TASOR: variants seen among roughly 807,000 people sequenced by gnomAD.
TASOR encodes protein TASOR.
TASOR carries 53 observed loss-of-function variants against 178.6 expected under a neutral mutation model. The ratio of observed to expected loss-of-function variants is 0.30; its 90% CI spans 0.24 to 0.37. The LOEUF (loss-of-function observed/expected upper bound fraction) is 0.37. Ranked by LOEUF, TASOR falls within the 10% of genes least tolerant of loss-of-function variation. TASOR has a pLI of 1.00. For missense variants in TASOR, 1,815 were observed against 1,971.4 expected (o/e 0.92, Z 1.50); for synonymous variants, 713 against 696.2 (o/e 1.02, Z -0.38).
chr3:56,680,634 G>A (rs2031701134), intron 1 of TASOR, among the ~76,000 whole-genome samples: 2 of 151,976 alleles, frequency 1.3e-5, no homozygotes, highest in African/African-American at 2.4e-5. Context: ...ACTTCTCTCA[G>A]CTTGAACAAG....
At position 56,621,354 on chromosome 3, in the gene TASOR, G is replaced by GTGAT. The variant is rs1455347099; in HGVS notation, c.*1679_*1682dup. 4 of 410,318 alleles carry GTGAT rather than the reference G, an allele frequency of 9.7e-6. No homozygotes were observed. The highest frequency in any genetic ancestry group is 4.1e-5 in the Admixed American group (1 of 24,642). 25.4% of individuals were successfully genotyped at this position (410,318 alleles called of 1,614,324 possible). A position where few individuals can be genotyped will look rare whatever the true frequency, so the allele number is the denominator to read the frequency against. Reference sequence around the variant, plus strand: ...ATGCTAAAAACAGAATCTTACAAATGTGATAGCTATATATCCAAATGAGGT... The same window carrying GTGAT: ...ATGCTAAAAACAGAATCTTACAAATGTGATTGATAGCTATATATCCAAATGAGGT... On this transcript the variant is annotated 3_prime_UTR_variant, in exon 24 of 24. Coordinates refer to ENST00000683822, the MANE Select transcript of TASOR (RefSeq NM_001365635.2).
intron 9 of TASOR, 53 bp downstream of exon 9, chr3:56,662,332 C>T (rs2077616345): frequency 1.1e-6 from 1 of 894,376 alleles, no homozygotes; most frequent in South Asian, 1.6e-5. Flanking sequence ...AGGAAAAAGG[C>T]TCAAGAAAGT....
intron 1 of TASOR, among the ~76,000 whole-genome samples, chr3:56,676,102 G>T (rs1417532683): frequency 6.6e-6 from 1 of 152,192 alleles, no homozygotes; most frequent in Non-Finnish European, 1.5e-5. Flanking sequence ...CAAACTTGTA[G>T]CAGACGAATA....
intron 1 of TASOR, among the ~76,000 whole-genome samples, chr3:56,679,361 G>C (rs2031597291): frequency 6.6e-6 from 1 of 152,156 alleles, no homozygotes; most frequent in African/African-American, 2.4e-5. Flanking sequence ...GTACAAATAC[G>C]AAACAAAGTT....
Position 56,662,451 on chromosome 3 carries a change from T to G in TASOR, c.1094A>C (p.Asn365Thr), listed in dbSNP as rs775908027. The change falls in exon 9 of 24, where the codon AAT (asparagine) becomes ACT (threonine). Residue 365 changes from asparagine (N) to threonine (T), a missense_variant. By Grantham distance (65) the Asn-to-Thr change is moderately conservative (BLOSUM62 0). Transcript: ENST00000683822. ...AATATAACACAAAAGTTTTCCTTTATTTAAAAGCTGTCCTTTCCACAAGGT... is the reference window on the plus strand; with the variant it reads ...AATATAACACAAAAGTTTTCCTTTAGTTAAAAGCTGTCCTTTCCACAAGGT... ...NYTLWKGQLL[N>T]KGKLLCYISL... 1 of 1,546,612 alleles carries G rather than the reference T, an allele frequency of 6.5e-7. No homozygotes were observed. Among genetic ancestry groups the G allele is most frequent in the Admixed American group, 2.0e-5 (1 of 50,444 alleles).
At chr3:56,647,274 A>G in intron 13 of TASOR, 51 bp from the exon 14 acceptor site, 1 of 1,384,206 alleles carries the variant, frequency 7.2e-7, no homozygotes, top group Non-Finnish European at 9.7e-7. Flanking sequence ...GCAATCAAGA[A>G]ACTAATCAAA....
intron 17 of TASOR, among the ~76,000 whole-genome samples, chr3:56,634,715 C>A (rs201607693): frequency 6.6e-6 from 1 of 152,072 alleles, no homozygotes; most frequent in African/African-American, 2.4e-5. Flanking sequence ...TTAGCTGATA[C>A]TAAGGTTAGC....
chr3:56,636,695 T>C (rs2077024915), intron 17 of TASOR, among the ~76,000 whole-genome samples: 2 of 151,826 alleles, frequency 1.3e-5, no homozygotes, highest in South Asian at 4.2e-4. Context: ...GACACCGTGC[T>C]TTTTTAAAAA....
In TASOR at chr3:56,633,028, C is replaced by G. The variant is rs1415714773; in HGVS notation, c.3747+16G>C. ...GAAGTTTGTACAGCATTACTATTAC[C>G]TTCTGGTTTAGTTACCTTTATTTCT... On this transcript the variant is annotated intron_variant, in intron 18 of 23. Coordinates refer to ENST00000683822, the MANE Select transcript of TASOR (RefSeq NM_001365635.2). The G allele has an allele frequency of 1.3e-6, 2 of 1,532,830 alleles. No homozygotes were observed. Among genetic ancestry groups the G allele is most frequent in the Non-Finnish European group, 1.7e-6 (2 of 1,144,384 alleles). 95.0% of individuals were successfully genotyped at this position (1,532,830 alleles called of 1,614,324 possible). A position where few individuals can be genotyped will look rare whatever the true frequency, so the allele number is the denominator to read the frequency against.
chr3:56,620,763 G>A lies in TASOR; in HGVS notation c.*2274C>T, dbSNP rs1004775390. 3.3e-5 allele frequency: 5 copies of A among 152,202 alleles called. No homozygotes were observed. The highest frequency in any genetic ancestry group is 1.2e-4 in the African/African-American group (5 of 41,436). 9.4% of individuals were successfully genotyped at this position (152,202 alleles called of 1,614,324 possible). A position where few individuals can be genotyped will look rare whatever the true frequency, so the allele number is the denominator to read the frequency against. On this transcript the variant is annotated 3_prime_UTR_variant, in exon 24 of 24. Transcript: ENST00000683822. ...ATTGTGAGATAAAGAGGAAGGAATAGGATGTACACATTTACCCATCAATAT... is the reference window on the plus strand; with the variant it reads ...ATTGTGAGATAAAGAGGAAGGAATAAGATGTACACATTTACCCATCAATAT...
At chr3:56,645,510 G>A (rs989665553) in intron 14 of TASOR, among the ~76,000 whole-genome samples, 1 of 152,184 alleles carries the variant, frequency 6.6e-6, no homozygotes, top group African/African-American at 2.4e-5. Flanking sequence ...AACGTGGATT[G>A]TTATGTCAAC....
chr3:56,627,759 C>A lies in TASOR; in HGVS notation c.3871-18G>T, dbSNP rs1040481539. ...CCAGGTATCTGTTTAAATCCCAAAA[C>A]AAAAAGAGAAACAGATGGAGGGAAT... is the stretch of plus-strand genomic sequence containing the variant. On this transcript the variant is annotated intron_variant, in intron 19 of 23. Transcript: ENST00000683822. 5.0e-6 allele frequency: 8 copies of A among 1,604,868 alleles called. No individual in the cohort carries two copies. The Admixed American group carries it at 7.0e-5, about 14-fold the overall frequency.
At chr3:56,660,384 G>A (rs1352552251) in intron 11 of TASOR, among the ~76,000 whole-genome samples, 1 of 151,442 alleles carries the variant, frequency 6.6e-6, no homozygotes, top group Non-Finnish European at 1.5e-5. Context: ...CAGCTACTCA[G>A]GAGGCTGAGG....
chr3:56,654,032 C>T (rs1006239202), intron 11 of TASOR, among the ~76,000 whole-genome samples: 12 of 152,014 alleles, frequency 7.9e-5, no homozygotes, highest in Non-Finnish European at 1.3e-4. Flanking sequence ...TACGGGAGGC[C>T]GAGGCAGGCA....
chr3:56,677,107 T>C (rs62251235), intron 1 of TASOR, among the ~76,000 whole-genome samples: 7,472 of 152,324 alleles, frequency 0.049, 192 homozygotes, highest in East Asian at 0.091. Flanking sequence ...AAGTTCATGT[T>C]CTGAATGTAC....
chr3:56,663,422 A>G lies in TASOR; in HGVS notation c.1054+119T>C, dbSNP rs80192219. The G allele has an allele frequency of 2.8e-3, 1,613 of 570,846 alleles. 21 individuals are homozygous for G. The highest frequency in any genetic ancestry group is 0.028 in the African/African-American group (1,427 of 50,892). The allele number at this position is 570,846 out of a possible 1,614,324, so 35.4% of individuals were successfully genotyped here. On this transcript the variant is annotated intron_variant, in intron 8 of 23. Transcript: ENST00000683822. Reference sequence around the variant, plus strand: ...CAACCAAATGCGCTGATGCTACATTATAACTTTTCATACTTTGCAGATTTT... The same window carrying G: ...CAACCAAATGCGCTGATGCTACATTGTAACTTTTCATACTTTGCAGATTTT...
Position 56,640,054 on chromosome 3 carries a change from C to A in TASOR, c.2696G>T (p.Arg899Leu). The change falls in exon 16 of 24, where the codon CGT (arginine) becomes CTT (leucine). Residue 899 changes from arginine (R) to leucine (L), a missense_variant. Arg to Leu is a moderately radical substitution (Grantham distance 102). Transcript: ENST00000683822. ...ATTATTTGACTTAGACTGTTGTCTA[C>A]GAAATCCATGTTCAATGGGAACACT... is the stretch of plus-strand genomic sequence containing the variant. ...CPSVPIEHGF[R>L]RQQSKSNNVE... The A allele has an allele frequency of 6.2e-7, 1 of 1,612,678 alleles. No individual in the cohort carries two copies. The highest frequency in any genetic ancestry group is 8.5e-7 in the Non-Finnish European group (1 of 1,179,036).
intron 16 of TASOR, among the ~76,000 whole-genome samples, chr3:56,639,759 TCC>T (rs869063510): frequency 6.7e-6 from 1 of 148,694 alleles, no homozygotes; most frequent in East Asian, 2.2e-4. Context: ...GTGTCTTAAA[TCC>T]CTGTTTTTAA....
intron 18 of TASOR, among the ~76,000 whole-genome samples, chr3:56,631,576 G>GTTTTTTTTTTTTTTTT (rs796072760): frequency 9.0e-6 from 1 of 111,016 alleles, no homozygotes; most frequent in Non-Finnish European, 1.8e-5. Context: ...GTGTGTCTGT[G>GTTTTTTTTTTTTTTTT]TTTTTTTGTT....
Sources: allele counts gnomAD v4.1 joint callset (sites outside exome capture counted in the v4.1 genomes callset), GRCh38; gene constraint gnomAD v4.1.1; transcripts MANE v1.5; gene names NCBI Gene and HGNC (gene_info 2026-07-23, HGNC 2026-07-21).